The following TBCD variants were observed in gnomAD, a reference collection of about 807,000 sequenced individuals.
TBCD encodes tubulin folding cofactor D, also known as tubulin-specific chaperone D.
TBCD carries 105 observed loss-of-function variants against 169.3 expected under a neutral mutation model. The observed-to-expected ratio is 0.62, with a 90% confidence interval of 0.53 to 0.73. The LOEUF (loss-of-function observed/expected upper bound fraction) is 0.73, where lower values mean the gene tolerates loss of function less well. TBCD is among the 30% of genes least tolerant of loss of function. The pLI is 0.00. For synonymous variants in TBCD, 700 were observed against 643.9 expected, an observed-to-expected ratio of 1.09 and a Z score of -1.32; for missense variants, 1,444 against 1,600.1, an observed-to-expected ratio of 0.90 and a Z score of 1.66.
At chr17:82,814,395 CTTTG>C (rs1247297012) in intron 12 of TBCD, among the ~76,000 whole-genome samples, 1 of 152,226 alleles carries the variant, frequency 6.6e-6, no homozygotes, top group African/African-American at 2.4e-5. Flanking sequence ...GGGACGGTCT[CTTTG>C]TTTGGGGACT....
intron 16 of TBCD, among the ~76,000 whole-genome samples, chr17:82,891,393 C>T (rs1208300590): frequency 6.6e-6 from 1 of 152,240 alleles, no homozygotes; most frequent in African/African-American, 2.4e-5. Flanking sequence ...GAGCATCCTG[C>T]ACAGTGACCA....
intron 20 of TBCD, among the ~76,000 whole-genome samples, chr17:82,907,075 C>G (rs117703302): frequency 6.6e-6 from 1 of 152,234 alleles, no homozygotes; most frequent in Non-Finnish European, 1.5e-5. Context: ...GGTCTGGCCA[C>G]GTGGGCACCT....
At chr17:82,932,770 T>G in intron 34 of TBCD, 35 bp downstream of exon 34, 1 of 1,598,160 alleles carries the variant, frequency 6.3e-7, no homozygotes, top group Non-Finnish European at 8.6e-7. Context: ...CCTTTCCGAT[T>G]AAGCCTAAGT....
At chr17:82,886,645 C>G (rs1470579851) in intron 15 of TBCD, among the ~76,000 whole-genome samples, 1 of 692 alleles carries the variant, frequency 1.4e-3, no homozygotes, top group Non-Finnish European at 4.7e-3. Context: ...TCTCCCCTCC[C>G]CTCCCCTCCC....
At chr17:82,827,759 G>A (rs140978643) in intron 13 of TBCD, among the ~76,000 whole-genome samples, 56 of 150,728 alleles carry the variant, frequency 3.7e-4, no homozygotes, top group Non-Finnish European at 6.8e-4. Context: ...CCGTACAATC[G>A]AATGCACACA....
chr17:82,894,029 T>C (rs2059317141), intron 17 of TBCD, among the ~76,000 whole-genome samples: 1 of 152,272 alleles, frequency 6.6e-6, no homozygotes, highest in South Asian at 2.1e-4. Context: ...GATGCTTCCC[T>C]ACTGGATGTC....
Position 82,831,112 on chromosome 17 carries a change from G to A in TBCD, c.1318+16178G>A. 6.2e-7 allele frequency: 1 copy of A among 1,614,216 alleles called. No homozygotes were observed. The highest frequency in any genetic ancestry group is 8.5e-7 in the Non-Finnish European group (1 of 1,180,030). ...CCTGAAGGCTGTGAGGCTTTGCTCTGGCGGGTAGAGTCTTCCCAGTGCGCT... is the reference window on the plus strand; with the variant it reads ...CCTGAAGGCTGTGAGGCTTTGCTCTAGCGGGTAGAGTCTTCCCAGTGCGCT... On this transcript the variant is annotated intron_variant, in intron 13 of 38. Transcript: ENST00000355528. This position sits in a 1 kb window ranked among gnomAD's most constrained non-coding sequence, Gnocchi z 4.6.
At chr17:82,873,659 G>A (rs765341919) in intron 14 of TBCD, among the ~76,000 whole-genome samples, 9 of 152,208 alleles carry the variant, frequency 5.9e-5, no homozygotes, top group African/African-American at 9.6e-5. Context: ...AGATGTCATC[G>A]TTCCAGAGTA....
intron 11 of TBCD, among the ~76,000 whole-genome samples, chr17:82,808,850 G>T (rs1351088003): frequency 6.7e-6 from 1 of 149,348 alleles, no homozygotes; most frequent in African/African-American, 2.5e-5. Flanking sequence ...AGCAGGTGGA[G>T]GGGCTGGCAG....
rs572349776 is a variant in TBCD, at chr17:82,831,173, C to G, written c.1318+16239C>G. ...TTGTTGGAGAGGTCGTACAGGCCTT[C>G]GCAGGTCTGGCTCGTCTGCATGAAG... On this transcript the variant is annotated intron_variant, in intron 13 of 38. Coordinates refer to ENST00000355528, the MANE Select transcript of TBCD (RefSeq NM_005993.5). The surrounding 1 kb of genome is among the most constrained non-coding windows in gnomAD (Gnocchi z 4.6). 1 of 1,614,104 alleles carries G rather than the reference C, an allele frequency of 6.2e-7. No individual in the cohort carries two copies. Among genetic ancestry groups the G allele is most frequent in the Non-Finnish European group, 8.5e-7 (1 of 1,180,020 alleles).
intron 14 of TBCD, among the ~76,000 whole-genome samples, chr17:82,882,245 A>G (rs939505317): frequency 6.6e-6 from 1 of 151,872 alleles, no homozygotes; most frequent in Admixed American, 6.6e-5. Context: ...ACCCACTCGC[A>G]CCCATGGGAC....
chr17:82,769,206 G>T (rs1259093153), intron 5 of TBCD, among the ~76,000 whole-genome samples: 5 of 152,212 alleles, frequency 3.3e-5, no homozygotes, highest in African/African-American at 9.7e-5. Context: ...GGCAGGCTTT[G>T]CCCCAAGGCC....
intron 12 of TBCD, among the ~76,000 whole-genome samples, chr17:82,810,637 G>C (rs2051365336): frequency 1.3e-5 from 2 of 152,208 alleles, no homozygotes; most frequent in African/African-American, 4.8e-5. Flanking sequence ...GTGAGGCATC[G>C]ATCTGTGACC....
intron 7 of TBCD, among the ~76,000 whole-genome samples, chr17:82,792,925 G>C (rs1293961472): frequency 6.6e-6 from 1 of 151,956 alleles, no homozygotes; most frequent in Non-Finnish European, 1.5e-5. Context: ...ACCACACCTG[G>C]CTAATTTTTG....
intron 13 of TBCD, among the ~76,000 whole-genome samples, chr17:82,820,836 A>G (rs1268367977): frequency 1.4e-5 from 2 of 144,886 alleles, no homozygotes; most frequent in African/African-American, 5.1e-5. Flanking sequence ...TCAGCTGTTG[A>G]GTCCTCTTGT....
rs1439193888 is a variant in TBCD at position 82,887,177 on chromosome 17, GCGCACGTGCGCTCA to G, written c.1534-2487_1534-2474del. On this transcript the variant is annotated intron_variant, in intron 15 of 38. Transcript: ENST00000355528. ...TGTGTGTGTGTGTGTGTGCGCGCGC[GCGCACGTGCGCTCA>G]CGCGTTTACTTCTGTGTGATTGTAT... Among the ~76,000 whole-genome samples, 11 of 70,012 alleles carry G rather than the reference GCGCACGTGCGCTCA, an allele frequency of 1.6e-4. 1 individual carries two copies. The South Asian group carries it at 2.7e-3, about 17-fold the overall frequency. 45.9% of individuals were successfully genotyped at this position (70,012 alleles called of 152,430 possible).
chr17:82,937,437 C>T, intron 35 of TBCD, 77 bp downstream of exon 35: 3 of 1,311,244 alleles, frequency 2.3e-6, no homozygotes, highest in Non-Finnish European at 2.2e-6. Context: ...GAGTCCACGG[C>T]TCCAGGCGGG....
At chr17:82,790,619 G>T (rs138453898) in intron 7 of TBCD, among the ~76,000 whole-genome samples, 1 of 152,196 alleles carries the variant, frequency 6.6e-6, no homozygotes, top group Non-Finnish European at 1.5e-5. Flanking sequence ...TGGCCAGCCC[G>T]TGGGACCCCT....
chr17:82,833,941 A>G lies in TBCD; in HGVS notation c.1318+19007A>G, dbSNP rs909065793. Among the ~76,000 whole-genome samples the G allele has an allele frequency of 1.3e-5, 2 of 149,724 alleles. No individual in the cohort carries two copies. The highest frequency in any genetic ancestry group is 1.3e-4 in the Admixed American group (2 of 15,088). ...GTGCCGCACGCCCAAGGCTGAGAAC[A>G]AAGGCTGTTTTTCTTTTTTTGAGAC... On this transcript the variant is annotated intron_variant, in intron 13 of 38. Transcript: ENST00000355528. This position sits in a 1 kb window ranked among gnomAD's most constrained non-coding sequence, Gnocchi z 4.7.
Sources: gnomAD v4.1 joint callset for allele counts (sites outside exome capture counted in the v4.1 genomes callset) on GRCh38, gnomAD v4.1.1 for gene constraint, Gnocchi (gnomAD v3.1) non-coding constraint, MANE v1.5 for transcripts, NCBI Gene and HGNC (gene_info 2026-07-23, HGNC 2026-07-21) for gene names.